Variants in TBC1D19 observed in about 807,000 individuals in gnomAD.
TBC1D19 encodes TBC1 domain family member 19.
A neutral mutation model predicts 89.0 loss-of-function variants in TBC1D19; 60 were observed. The observed-to-expected ratio is 0.67, with a 90% CI of 0.55 to 0.84. The LOEUF (loss-of-function observed/expected upper bound fraction) is 0.84. Among genes scored for constraint, TBC1D19 ranks in the 40% least tolerant of loss-of-function variants. The pLI, the probability that TBC1D19 is intolerant of heterozygous loss-of-function variation, is 0.00. For synonymous variants in TBC1D19, 189 were observed against 199.7 expected (o/e 0.95, Z 0.45); for missense variants, 500 against 610.8 (o/e 0.82, Z 1.91).
the TBC1D19 span, among the ~76,000 whole-genome samples, chr4:26,850,540 C>CAAAAAAAAAAAAAAAAA: frequency 1.1e-3 from 95 of 90,388 alleles, 5 homozygotes; most frequent in African/African-American, 3.8e-3. Flanking sequence ...GACCCTGTCT[C>CAAAAAAAAAAAAAAAAA]AAAAAAAAAA....
intron 12 of TBC1D19, among the ~76,000 whole-genome samples, chr4:26,685,904 C>G (rs974602758): frequency 6.6e-6 from 1 of 152,224 alleles, no homozygotes; most frequent in Non-Finnish European, 1.5e-5. Flanking sequence ...TGAGAGTTCT[C>G]TTTGTCACCA....
Position 26,753,294 on chromosome 4 carries a change from A to G in TBC1D19, c.1436-526A>G, listed in dbSNP as rs148964175. Among the ~76,000 whole-genome samples the G allele has an allele frequency of 1.0e-3, 159 of 152,310 alleles. 1 individual carries two copies. In the East Asian group the frequency reaches 0.027, roughly 26 times the overall value. On this transcript the variant is annotated intron_variant, in intron 19 of 20. Transcript: ENST00000264866. ...AACGTTTCAGAAGTCTGTCTACTAT[A>G]TTAGTAAGAAATACCTGCACCAAAA...
At chr4:26,810,345 A>G in the TBC1D19 span, among the ~76,000 whole-genome samples, 4 of 152,324 alleles carry the variant, frequency 2.6e-5, no homozygotes, top group East Asian at 5.8e-4. Flanking sequence ...TCAACCTCAG[A>G]TACCAGGTAA....
the TBC1D19 span, among the ~76,000 whole-genome samples, chr4:26,856,401 A>G: frequency 6.6e-6 from 1 of 152,264 alleles, no homozygotes; most frequent in African/African-American, 2.4e-5. Context: ...GTTTGCTTCC[A>G]TATCTTGGCT....
At chr4:26,645,616 C>T (rs1458222104) in intron 7 of TBC1D19, among the ~76,000 whole-genome samples, 2 of 152,192 alleles carry the variant, frequency 1.3e-5, no homozygotes, top group African/African-American at 4.8e-5. Flanking sequence ...ACGTCTAAAA[C>T]ACCAAAAGCA....
intron 17 of TBC1D19, chr4:26,740,993 G>T: frequency 3.1e-6 from 3 of 952,594 alleles, no homozygotes; most frequent in Non-Finnish European, 3.7e-6. Context: ...AAGAGAACTT[G>T]ATTTTGTTCT....
chr4:26,765,484 G>A, the TBC1D19 span, among the ~76,000 whole-genome samples: 2 of 151,542 alleles, frequency 1.3e-5, no homozygotes, highest in Non-Finnish European at 2.9e-5. Context: ...GGAATTTGGG[G>A]ATGAGAGAAG....
At chr4:26,720,416 C>T (rs565226374) in intron 15 of TBC1D19, among the ~76,000 whole-genome samples, 1 of 152,084 alleles carries the variant, frequency 6.6e-6, no homozygotes, top group Non-Finnish European at 1.5e-5. Context: ...ACTAGCTAAT[C>T]CAATGCAGAC....
chr4:26,630,616 T>C (rs982123162), intron 4 of TBC1D19, among the ~76,000 whole-genome samples: 22 of 152,004 alleles, frequency 1.4e-4, no homozygotes, highest in Admixed American at 1.4e-3. Context: ...GTTTATCCAT[T>C]CCAAACTCTG....
At chr4:26,647,453 A>G (rs1019751681) in intron 7 of TBC1D19, among the ~76,000 whole-genome samples, 2 of 152,168 alleles carry the variant, frequency 1.3e-5, no homozygotes, top group African/African-American at 4.8e-5. Flanking sequence ...AGTTTTTGTC[A>G]CCACCACTGC....
chr4:26,770,869 G>T, the TBC1D19 span, among the ~76,000 whole-genome samples: 1 of 151,988 alleles, frequency 6.6e-6, no homozygotes, highest in African/African-American at 2.4e-5. Context: ...ATAACCCATA[G>T]GTCAAGGAAT....
intron 13 of TBC1D19, among the ~76,000 whole-genome samples, chr4:26,693,760 G>T (rs1347885518): frequency 1.3e-5 from 2 of 151,838 alleles, no homozygotes; most frequent in South Asian, 2.1e-4. Flanking sequence ...GTTTTAAAGA[G>T]ATAGAAATTA....
upstream of TBC1D19, among the ~76,000 whole-genome samples, chr4:26,580,502 C>A (rs1739043946): frequency 6.6e-6 from 1 of 152,206 alleles, no homozygotes; most frequent in African/African-American, 2.4e-5. Flanking sequence ...CTTGTGCCAA[C>A]AAATGGGGCT....
chr4:26,650,832 T>A (rs963610196), intron 7 of TBC1D19, among the ~76,000 whole-genome samples: 1 of 152,174 alleles, frequency 6.6e-6, no homozygotes, highest in African/African-American at 2.4e-5. Flanking sequence ...TCTTCTAGGG[T>A]TTTTATGGTT....
chr4:26,820,236 T>C, the TBC1D19 span, among the ~76,000 whole-genome samples: 1 of 149,310 alleles, frequency 6.7e-6, no homozygotes, highest in Non-Finnish European at 1.5e-5. Flanking sequence ...TTCACTATGG[T>C]TACCATGCAG....
chr4:26,738,796 C>A (rs568117882), intron 16 of TBC1D19, among the ~76,000 whole-genome samples: 39 of 152,054 alleles, frequency 2.6e-4, no homozygotes, highest in African/African-American at 9.4e-4. Flanking sequence ...TGCTGTTTAT[C>A]CCAGAAAATT....
At chr4:26,608,587 C>T (rs1463988170) in intron 1 of TBC1D19, among the ~76,000 whole-genome samples, 1 of 151,966 alleles carries the variant, frequency 6.6e-6, no homozygotes, top group Non-Finnish European at 1.5e-5. Flanking sequence ...GTATAGCAAC[C>T]TTAAAGTACT....
chr4:26,638,261 T>G (rs1185842750), intron 5 of TBC1D19, among the ~76,000 whole-genome samples: 3 of 151,758 alleles, frequency 2.0e-5, no homozygotes. Context: ...TAGGTATACT[T>G]TGGATAATAT....
chr4:26,720,206 T>C (rs1327289777), intron 15 of TBC1D19, 81 bp downstream of exon 15: 3 of 997,444 alleles, frequency 3.0e-6, no homozygotes, highest in Non-Finnish European at 4.5e-6. Context: ...TTTCTTATTC[T>C]CTTTAATGGA....
Sources: allele counts gnomAD v4.1 joint callset (sites outside exome capture counted in the v4.1 genomes callset), GRCh38; gene constraint gnomAD v4.1.1; transcripts MANE v1.5; gene names NCBI Gene and HGNC (gene_info 2026-07-23, HGNC 2026-07-21).